Variants in LSAMP observed in about 807,000 individuals in gnomAD.
LSAMP encodes limbic system-associated membrane protein.
A neutral mutation model predicts 38.6 loss-of-function variants in LSAMP; 7 were observed. The ratio of observed to expected loss-of-function variants is 0.18; its 90% CI spans 0.10 to 0.34. The LOEUF is 0.34. Ranked by LOEUF, LSAMP falls within the 10% of genes least tolerant of loss-of-function variation. The pLI is 1.00. For synonymous variants in LSAMP, 154 were observed against 166.8 expected (o/e 0.92, Z 0.59); for missense variants, 313 against 420.0 (o/e 0.75, Z 2.23).
chr3:116,275,336 A>G (rs1188821081), intron 1 of LSAMP, among the ~76,000 whole-genome samples: 1 of 152,008 alleles, frequency 6.6e-6, no homozygotes, highest in African/African-American at 2.4e-5. Context: ...TACAAGCTTG[A>G]GCCACCACAC....
At chr3:116,196,670 T>C (rs1048844354) in intron 1 of LSAMP, among the ~76,000 whole-genome samples, 1 of 152,186 alleles carries the variant, frequency 6.6e-6, no homozygotes. Context: ...CAGAAATTTT[T>C]TCCTCCTAGA....
chr3:115,929,040 A>G (rs1000366941), intron 3 of LSAMP, among the ~76,000 whole-genome samples: 3 of 128,946 alleles, frequency 2.3e-5, no homozygotes, highest in African/African-American at 9.2e-5. Flanking sequence ...ATAATATTCT[A>G]TGTGAATATT....
chr3:116,287,324 A>T (rs1015948695), intron 1 of LSAMP, among the ~76,000 whole-genome samples: 1 of 152,122 alleles, frequency 6.6e-6, no homozygotes, highest in African/African-American at 2.4e-5. Flanking sequence ...AGCTCTCACA[A>T]TGTGACCCTA....
At chr3:116,270,943 C>CAATT (rs1237619086) in intron 1 of LSAMP, among the ~76,000 whole-genome samples, 6 of 152,078 alleles carry the variant, frequency 3.9e-5, no homozygotes, top group African/African-American at 1.4e-4. Context: ...CTCCAGATTT[C>CAATT]AATTACTTCG....
chr3:116,227,021 T>A (rs1274645116), intron 1 of LSAMP, among the ~76,000 whole-genome samples: 1 of 152,226 alleles, frequency 6.6e-6, no homozygotes, highest in African/African-American at 2.4e-5. Flanking sequence ...AGGTGTTTTT[T>A]TTTCCTGAAA....
At chr3:116,227,482 T>C (rs1205089842) in intron 1 of LSAMP, among the ~76,000 whole-genome samples, 2 of 152,354 alleles carry the variant, frequency 1.3e-5, no homozygotes, top group Non-Finnish European at 2.9e-5. Flanking sequence ...TAAACTAATA[T>C]TTGTTAAATC....
chr3:116,337,431 G>C lies in LSAMP; in HGVS notation c.155+107446C>G, dbSNP rs79569063. Among the ~76,000 whole-genome samples, 736 of 152,022 alleles carry C rather than the reference G, an allele frequency of 4.8e-3. 3 individuals carry two copies. The highest frequency in any genetic ancestry group is 8.4e-3 in the Non-Finnish European group (569 of 67,928). On this transcript the variant is annotated intron_variant, in intron 1 of 6. Coordinates refer to ENST00000490035, the MANE Select transcript of LSAMP (RefSeq NM_002338.5). Reference sequence around the variant, plus strand: ...TACACAGCCTCCATTGCTCCATCTAGTGCTAGGAAAATTATAACAGCCATT... The same window carrying C: ...TACACAGCCTCCATTGCTCCATCTACTGCTAGGAAAATTATAACAGCCATT...
chr3:115,881,265 C>T (rs1329748685), intron 3 of LSAMP, among the ~76,000 whole-genome samples: 1 of 152,056 alleles, frequency 6.6e-6, no homozygotes, highest in Non-Finnish European at 1.5e-5. Context: ...TGCTCTTTGC[C>T]AGCCTGGACA....
chr3:115,849,264 A>T (rs776576025), intron 4 of LSAMP, among the ~76,000 whole-genome samples: 9 of 152,198 alleles, frequency 5.9e-5, no homozygotes, highest in African/African-American at 1.7e-4. Context: ...AAAAGTGGCT[A>T]TGTGTAATGC....
intron 1 of LSAMP, 62 bp from the exon 2 acceptor site, chr3:116,086,618 A>C: frequency 5.4e-6 from 7 of 1,295,700 alleles, no homozygotes; most frequent in Non-Finnish European, 7.8e-6. Flanking sequence ...TTTCTTCTCT[A>C]GGTGATCAGA....
chr3:116,025,797 A>G (rs927944573), intron 2 of LSAMP, among the ~76,000 whole-genome samples: 7 of 152,184 alleles, frequency 4.6e-5, no homozygotes, highest in African/African-American at 7.2e-5. Flanking sequence ...GACCTTACTT[A>G]CCATGCTAAC....
intron 6 of LSAMP, chr3:115,837,801 G>A (rs773441350): frequency 6.6e-6 from 1 of 152,208 alleles, no homozygotes; most frequent in African/African-American, 2.4e-5. Context: ...TAAATCTCAA[G>A]CTCAGCCTTA....
chr3:116,134,082 G>A (rs1178771270), intron 1 of LSAMP, among the ~76,000 whole-genome samples: 3 of 151,986 alleles, frequency 2.0e-5, no homozygotes, highest in Admixed American at 1.3e-4. Context: ...AATAAAAGAC[G>A]GGGTCTCATT....
chr3:116,329,490 A>T (rs1456299806), intron 1 of LSAMP, among the ~76,000 whole-genome samples: 1 of 152,178 alleles, frequency 6.6e-6, no homozygotes, highest in African/African-American at 2.4e-5. Context: ...TTTAATAAAC[A>T]TGAACTTTGG....
intron 1 of LSAMP, among the ~76,000 whole-genome samples, chr3:116,346,652 G>T (rs913866479): frequency 2.0e-5 from 3 of 152,106 alleles, no homozygotes; most frequent in Admixed American, 2.0e-4. Flanking sequence ...TAAAACAGTT[G>T]CTAGAAATCC....
intron 2 of LSAMP, among the ~76,000 whole-genome samples, chr3:116,050,726 C>G (rs1312579526): frequency 6.6e-6 from 1 of 152,188 alleles, no homozygotes; most frequent in African/African-American, 2.4e-5. Flanking sequence ...GCTTTGCTCT[C>G]TTTCCCCAGG....
intron 3 of LSAMP, among the ~76,000 whole-genome samples, chr3:115,959,874 A>G (rs779147807): frequency 1.3e-5 from 2 of 152,180 alleles, no homozygotes; most frequent in Non-Finnish European, 2.9e-5. Flanking sequence ...TTTAGGTAGA[A>G]TGGCATGGGA....
intron 1 of LSAMP, among the ~76,000 whole-genome samples, chr3:116,274,149 G>T (rs1202854183): frequency 6.6e-6 from 1 of 152,036 alleles, no homozygotes; most frequent in Non-Finnish European, 1.5e-5. Flanking sequence ...CCTTCTAACT[G>T]CCTTTGAACT....
intron 1 of LSAMP, among the ~76,000 whole-genome samples, chr3:116,436,043 G>T (rs769092188): frequency 2.6e-5 from 4 of 152,102 alleles, no homozygotes; most frequent in East Asian, 1.9e-4. Flanking sequence ...CCTTATAGAG[G>T]TTCTACCAAA....
Sources: gnomAD v4.1 joint callset for allele counts (sites outside exome capture counted in the v4.1 genomes callset) on GRCh38, gnomAD v4.1.1 for gene constraint, MANE v1.5 for transcripts, NCBI Gene and HGNC (gene_info 2026-07-23, HGNC 2026-07-21) for gene names.